The following STAT1 variants were observed in gnomAD, a reference collection of about 807,000 sequenced individuals.
The protein encoded by STAT1 is signal transducer and activator of transcription 1.
Under a neutral mutation model 111.7 loss-of-function variants are expected in STAT1, and 24 were observed. The observed-to-expected ratio is 0.21, with a 90% CI of 0.16 to 0.30. The LOEUF (loss-of-function observed/expected upper bound fraction) is 0.30, where lower values mean the gene tolerates loss of function less well. STAT1 is among the 10% of genes least tolerant of loss of function. The pLI, the probability that STAT1 is intolerant of heterozygous loss-of-function variation, is 1.00. For missense variants in STAT1, 351 were observed against 911.9 expected, an observed-to-expected ratio of 0.38 and a Z score of 7.92; for synonymous variants, 332 against 326.5, an observed-to-expected ratio of 1.02 and a Z score of -0.18.
chr2:190,997,792 G>T lies in STAT1; in HGVS notation c.785+64C>A. The T allele has an allele frequency of 6.2e-7, 1 of 1,608,434 alleles. No homozygotes were observed. ...TCCATTCAACTAACACAGCTCAAAGGTACATTTATGTGTTTATGTGGTTAG... is the reference window on the plus strand; with the variant it reads ...TCCATTCAACTAACACAGCTCAAAGTTACATTTATGTGTTTATGTGGTTAG... On this transcript the variant is annotated intron_variant, in intron 9 of 24. Transcript: ENST00000361099. This position sits in a 1 kb window ranked among gnomAD's most constrained non-coding sequence, Gnocchi z 7.3.
Position 190,984,179 on chromosome 2 carries a change from T to C in STAT1, c.1347+131A>G, listed in dbSNP as rs1692602975. On this transcript the variant is annotated intron_variant, in intron 16 of 24. Coordinates refer to ENST00000361099, the MANE Select transcript of STAT1 (RefSeq NM_007315.4). The surrounding 1 kb of genome is among the most constrained non-coding windows in gnomAD (Gnocchi z 5.2). ...ACCATAAATTAAGGTTAAGATAGTA[T>C]TAGCTGAAAAAGATCATTTTAAAAC... The C allele has an allele frequency of 6.5e-6, 5 of 768,476 alleles. No individual in the cohort carries two copies. The Admixed American group carries it at 6.7e-5, about 10-fold the overall frequency. The allele number at this position is 768,476 out of a possible 1,614,324, so 47.6% of individuals were successfully genotyped here.
chr2:190,976,644 T>G lies in STAT1; in HGVS notation c.2059+196A>C, dbSNP rs1158074509. On this transcript the variant is annotated intron_variant, in intron 22 of 24. Transcript: ENST00000361099. The surrounding 1 kb of genome is among the most constrained non-coding windows in gnomAD (Gnocchi z 6.0). ...TTCCAACATTCCTAAAATAGGAAAT[T>G]GTCCATTCATTTCTTACTAGCTGTA... Among the ~76,000 whole-genome samples, 1 of 152,216 alleles carries G rather than the reference T, an allele frequency of 6.6e-6. No homozygotes were observed. The highest frequency in any genetic ancestry group is 1.5e-5 in the Non-Finnish European group (1 of 68,032).
At position 190,998,071 on chromosome 2, in the gene STAT1, T is replaced by G; in HGVS notation, c.634-64A>C. Reference sequence around the variant, plus strand: ...TTTTAATCACTGAATTTTAAAATATTTTTTAAAAGAAAAGCAAATATCATT... The same window carrying G: ...TTTTAATCACTGAATTTTAAAATATGTTTTAAAAGAAAAGCAAATATCATT... On this transcript the variant is annotated intron_variant, in intron 8 of 24. Transcript: ENST00000361099. The surrounding 1 kb of genome is among the most constrained non-coding windows in gnomAD (Gnocchi z 4.1). 1.9e-6 allele frequency: 3 copies of G among 1,585,410 alleles called. No homozygotes were observed. Among genetic ancestry groups the G allele is most frequent in the Non-Finnish European group, 2.6e-6 (3 of 1,161,050 alleles).
rs1469935558 is a variant in STAT1, at chr2:190,973,099, C to T, written c.2238+1731G>A. ...GATGACAGAGATGGAATGCTGATTG[C>T]CAAATCCCAAACACATACGGGCCTC... On this transcript the variant is annotated intron_variant, in intron 24 of 24. Transcript: ENST00000361099. This position sits in a 1 kb window ranked among gnomAD's most constrained non-coding sequence, Gnocchi z 4.4. Among the ~76,000 whole-genome samples, 1 of 152,106 alleles carries T rather than the reference C, an allele frequency of 6.6e-6. No individual in the cohort carries two copies. The highest frequency in any genetic ancestry group is 1.5e-5 in the Non-Finnish European group (1 of 68,024).
Position 191,012,983 on chromosome 2 carries a change from A to G in STAT1, c.-2+542T>C, listed in dbSNP as rs1248120334. 2.0e-5 allele frequency among the ~76,000 whole-genome samples: 3 copies of G among 152,186 alleles called. No individual in the cohort carries two copies. The highest frequency in any genetic ancestry group is 7.2e-5 in the African/African-American group (3 of 41,428). ...AGCATCGGTTCCAGTTTTCCTTGTA[A>G]AGCTCTGTGATGCCTCCAGAGTCCC... On this transcript the variant is annotated intron_variant, in intron 2 of 24. Coordinates refer to ENST00000361099, the MANE Select transcript of STAT1 (RefSeq NM_007315.4). This position sits in a 1 kb window ranked among gnomAD's most constrained non-coding sequence, Gnocchi z 4.0.
In STAT1 at chr2:191,007,330, C is replaced by T. The variant is rs1178399064; in HGVS notation, c.372+233G>A. Among the ~76,000 whole-genome samples the T allele has an allele frequency of 1.3e-5, 2 of 152,164 alleles. No homozygotes were observed. The highest frequency in any genetic ancestry group is 4.8e-5 in the African/African-American group (2 of 41,428). On this transcript the variant is annotated intron_variant, in intron 5 of 24. Transcript: ENST00000361099. The surrounding 1 kb of genome is among the most constrained non-coding windows in gnomAD (Gnocchi z 4.2). ...TTATCTTCTCAGCACTTTATGCTAC[C>T]CAGAAGTATCTTGTTTATATGTTCT...
Position 190,973,841 on chromosome 2 carries a change from C to T in STAT1, c.2238+989G>A, listed in dbSNP as rs1323665531. Among the ~76,000 whole-genome samples the T allele has an allele frequency of 1.3e-5, 2 of 152,080 alleles. No homozygotes were observed. Among genetic ancestry groups the T allele is most frequent in the Non-Finnish European group, 1.5e-5 (1 of 68,014 alleles). ...CCGTGCTTAAGGTGAGGAAAAAAGT[C>T]AAAAAATTACACATGAGAAACCTGA... On this transcript the variant is annotated intron_variant, in intron 24 of 24. Transcript: ENST00000361099. The surrounding 1 kb of genome is among the most constrained non-coding windows in gnomAD (Gnocchi z 4.4).
Position 190,999,421 on chromosome 2 carries a change from C to T in STAT1, c.541+205G>A, listed in dbSNP as rs370469785. On this transcript the variant is annotated intron_variant, in intron 7 of 24. Transcript: ENST00000361099. The surrounding 1 kb of genome is among the most constrained non-coding windows in gnomAD (Gnocchi z 4.1). ...TAAAAGTCGGGGATGCTGTTAAACA[C>T]GCTACAATGCCAGGACAGCCCCAAC... is the stretch of plus-strand genomic sequence containing the variant. Among the ~76,000 whole-genome samples the T allele has an allele frequency of 1.3e-5, 2 of 152,102 alleles. No individual in the cohort carries two copies. The highest frequency in any genetic ancestry group is 1.9e-4 in the East Asian group (1 of 5,196).
chr2:191,010,817 G>C (rs1695061860), intron 2 of STAT1, among the ~76,000 whole-genome samples: 1 of 152,174 alleles, frequency 6.6e-6, no homozygotes, highest in Non-Finnish European at 1.5e-5. Flanking sequence ...GTAACACTTA[G>C]CTTTTTGGAT....
Position 190,997,859 on chromosome 2 carries a change from T to C in STAT1, c.782A>G (p.Asn261Ser). 6.2e-7 allele frequency: 1 copy of C among 1,614,236 alleles called. No homozygotes were observed. Among genetic ancestry groups the C allele is most frequent in the South Asian group, 1.1e-5 (1 of 91,088 alleles). ...TTTCTGCTTTGGAGAATCTTACCAG[T>C]TCTGCAGCTGATCCAAGCAAGCATT... ...PPNACLDQLQNWFTIVAESLQ... is the reference protein window; with the variant it reads ...PPNACLDQLQSWFTIVAESLQ... Residue 261 changes from asparagine to serine, a missense_variant, in exon 9 of 25, where the codon AAC becomes AGC. This residue lies in a region of STAT1 where 67 missense variants were observed against 158.9 expected (regional missense o/e 0.42). Coordinates refer to ENST00000361099, the MANE Select transcript of STAT1 (RefSeq NM_007315.4). This position sits in a 1 kb window ranked among gnomAD's most constrained non-coding sequence, Gnocchi z 7.3.
At position 190,978,610 on chromosome 2, in the gene STAT1, A is replaced by T; in HGVS notation, c.1873+246T>A. On this transcript the variant is annotated intron_variant, in intron 21 of 24. Transcript: ENST00000361099. The surrounding 1 kb of genome is among the most constrained non-coding windows in gnomAD (Gnocchi z 6.1). Reference sequence around the variant, plus strand: ...CCTTGATCTGCAGATAACAAACCTGATGCAAAGGAAAGAATTGGCATTGTC... The same window carrying T: ...CCTTGATCTGCAGATAACAAACCTGTTGCAAAGGAAAGAATTGGCATTGTC... 1.8e-6 allele frequency: 1 copy of T among 564,096 alleles called. No individual in the cohort carries two copies. The highest frequency in any genetic ancestry group is 3.2e-5 in the East Asian group (1 of 31,072). 34.9% of individuals were successfully genotyped at this position (564,096 alleles called of 1,614,324 possible).
At chr2:190,985,717 T>C (rs1692751337) in intron 14 of STAT1, 57 bp from the exon 15 acceptor site, 1 of 1,557,390 alleles carries the variant, frequency 6.4e-7, no homozygotes, top group Admixed American at 1.7e-5. Flanking sequence ...AGTTGCTATC[T>C]TCATTTACAA....
rs1260462827 is a variant in STAT1, at chr2:190,973,429, G to T, written c.2238+1401C>A. Reference sequence around the variant, plus strand: ...AACACCTAACTCAGAAGGTGGCTGTGAGGACTGAATGAGTTACTACCTGTG... The same window carrying T: ...AACACCTAACTCAGAAGGTGGCTGTTAGGACTGAATGAGTTACTACCTGTG... On this transcript the variant is annotated intron_variant, in intron 24 of 24. Transcript: ENST00000361099. This position sits in a 1 kb window ranked among gnomAD's most constrained non-coding sequence, Gnocchi z 4.4. Among the ~76,000 whole-genome samples, 1 of 152,204 alleles carries T rather than the reference G, an allele frequency of 6.6e-6. No individual in the cohort carries two copies.
At position 190,998,142 on chromosome 2, in the gene STAT1, C is replaced by G. The variant is rs983846267; in HGVS notation, c.633+75G>C. The G allele has an allele frequency of 2.6e-6, 4 of 1,565,212 alleles. No homozygotes were observed. The highest frequency in any genetic ancestry group is 2.6e-6 in the Non-Finnish European group (3 of 1,138,520). On this transcript the variant is annotated intron_variant, in intron 8 of 24. Transcript: ENST00000361099. This position sits in a 1 kb window ranked among gnomAD's most constrained non-coding sequence, Gnocchi z 4.1. ...AAGCCAGGTGGCTATAATTTTTCCT[C>G]TCTTCTAAACTTTGAGTCCATTATT... is the stretch of plus-strand genomic sequence containing the variant.
In STAT1 at chr2:190,971,788, C is replaced by T. The variant is rs1252350303; in HGVS notation, c.2239-1071G>A. On this transcript the variant is annotated intron_variant, in intron 24 of 24. Coordinates refer to ENST00000361099, the MANE Select transcript of STAT1 (RefSeq NM_007315.4). This position sits in a 1 kb window ranked among gnomAD's most constrained non-coding sequence, Gnocchi z 4.1. ...AGTGCAGTGGCACCATCTTGGCTCA[C>T]TGCAACCTCCACCTTCCAGGTTCAA... 6.6e-6 allele frequency among the ~76,000 whole-genome samples: 1 copy of T among 152,008 alleles called. No homozygotes were observed. The highest frequency in any genetic ancestry group is 6.6e-5 in the Admixed American group (1 of 15,262).
chr2:190,990,327 T>C lies in STAT1; in HGVS notation c.1038-653A>G, dbSNP rs972083787. 6.6e-6 allele frequency among the ~76,000 whole-genome samples: 1 copy of C among 152,190 alleles called. No individual in the cohort carries two copies. Among genetic ancestry groups the C allele is most frequent in the African/African-American group, 2.4e-5 (1 of 41,420 alleles). ...TTCCACGAGGGCTTCAGTGTGACATTGTACCTACCAGCCAGGGAGGGTTAA... is the reference window on the plus strand; with the variant it reads ...TTCCACGAGGGCTTCAGTGTGACATCGTACCTACCAGCCAGGGAGGGTTAA... On this transcript the variant is annotated intron_variant, in intron 11 of 24. Coordinates refer to ENST00000361099, the MANE Select transcript of STAT1 (RefSeq NM_007315.4). This position sits in a 1 kb window ranked among gnomAD's most constrained non-coding sequence, Gnocchi z 5.1.
intron 11 of STAT1, 59 bp downstream of exon 11, chr2:190,991,169 A>T: frequency 6.5e-7 from 1 of 1,543,908 alleles, no homozygotes; most frequent in Non-Finnish European, 9.0e-7. Context: ...TATAAAAGGA[A>T]ACTAGGGGTA....
At chr2:191,010,034 T>C (rs2125103688) in intron 2 of STAT1, 30 bp from the exon 3 acceptor site, 1 of 1,612,128 alleles carries the variant, frequency 6.2e-7, no homozygotes, top group South Asian at 1.1e-5. Context: ...ACATTCTTTC[T>C]ATGTATATGG....
rs572535273 is a variant in STAT1 at position 191,004,120 on chromosome 2, C to T, written c.373-2957G>A. On this transcript the variant is annotated intron_variant, in intron 5 of 24. Transcript: ENST00000361099. The surrounding 1 kb of genome is among the most constrained non-coding windows in gnomAD (Gnocchi z 5.0). Reference sequence around the variant, plus strand: ...CACTCAAACCCTTGGTGCTCTCTTACCCCTTCCACTCATCCCTCCCTGCTT... The same window carrying T: ...CACTCAAACCCTTGGTGCTCTCTTATCCCTTCCACTCATCCCTCCCTGCTT... Among the ~76,000 whole-genome samples, 1 of 152,296 alleles carries T rather than the reference C, an allele frequency of 6.6e-6. No homozygotes were observed. Among genetic ancestry groups the T allele is most frequent in the African/African-American group, 2.4e-5 (1 of 41,572 alleles).
Sources: allele counts gnomAD v4.1 joint callset (sites outside exome capture counted in the v4.1 genomes callset), GRCh38; gene constraint gnomAD v4.1.1; regional missense constraint gnomAD v4.1.1; non-coding constraint Gnocchi (gnomAD v3.1); transcripts MANE v1.5; gene names NCBI Gene and HGNC (gene_info 2026-07-23, HGNC 2026-07-21).